Variants in FHIT observed in about 807,000 individuals in gnomAD.
FHIT encodes bis(5'-adenosyl)-triphosphatase.
A neutral mutation model predicts 17.9 loss-of-function variants in FHIT; 19 were observed. That is an observed-to-expected ratio of 1.06 (90% CI 0.74 to 1.56). The LOEUF is 1.56. Among genes scored for constraint, FHIT ranks in the 40% most tolerant of loss-of-function variants. The pLI is 0.00. For missense variants in FHIT, 248 were observed against 189.2 expected (o/e 1.31, Z -1.82); for synonymous variants, 81 against 69.7 (o/e 1.16, Z -0.81).
intron 5 of FHIT, among the ~76,000 whole-genome samples, chr3:60,404,422 G>A (rs1701773173): frequency 6.6e-6 from 1 of 152,072 alleles, no homozygotes; most frequent in Non-Finnish European, 1.5e-5. Flanking sequence ...AGTTGTCTCG[G>A]GATGTGACAG....
At chr3:60,504,652 T>G (rs1474671886) in intron 5 of FHIT, among the ~76,000 whole-genome samples, 1 of 152,068 alleles carries the variant, frequency 6.6e-6, no homozygotes, top group Non-Finnish European at 1.5e-5. Context: ...CAACCGCAGC[T>G]CCAAAGGAGA....
intron 2 of FHIT, among the ~76,000 whole-genome samples, chr3:61,172,020 G>A (rs909938674): frequency 7.9e-5 from 12 of 152,174 alleles, no homozygotes; most frequent in African/African-American, 2.9e-4. Context: ...CAAAGTTGCT[G>A]CATTTTTTGC....
chr3:60,243,933 T>C (rs946064459), intron 5 of FHIT, among the ~76,000 whole-genome samples: 2 of 152,082 alleles, frequency 1.3e-5, no homozygotes, highest in Non-Finnish European at 2.9e-5. Context: ...AAATAATTTA[T>C]TTCAGGAATC....
chr3:60,344,898 G>C (rs1304937678), intron 5 of FHIT, among the ~76,000 whole-genome samples: 1 of 151,948 alleles, frequency 6.6e-6, no homozygotes, highest in South Asian at 2.1e-4. Flanking sequence ...AAATTTCAAA[G>C]ACATAGAATG....
chr3:59,835,480 T>G (rs1008805802), intron 8 of FHIT, among the ~76,000 whole-genome samples: 1 of 152,174 alleles, frequency 6.6e-6, no homozygotes, highest in Non-Finnish European at 1.5e-5. Flanking sequence ...GCCTTTATGC[T>G]GAAGCTACAA....
At chr3:60,111,853 T>A (rs564918950) in intron 5 of FHIT, among the ~76,000 whole-genome samples, 3 of 152,274 alleles carry the variant, frequency 2.0e-5, no homozygotes, top group Non-Finnish European at 2.9e-5. Flanking sequence ...CATCTCCCCA[T>A]TGACATCTAA....
intron 1 of FHIT, among the ~76,000 whole-genome samples, chr3:61,205,371 G>A (rs994953908): frequency 6.6e-6 from 1 of 152,242 alleles, no homozygotes; most frequent in Non-Finnish European, 1.5e-5. Context: ...GGTATATCTA[G>A]TTCTAGATCC....
intron 8 of FHIT, among the ~76,000 whole-genome samples, chr3:59,808,969 C>G (rs771447787): frequency 3.9e-4 from 60 of 152,128 alleles, no homozygotes; most frequent in Admixed American, 1.3e-3. Flanking sequence ...AGGAAACCCA[C>G]GGTGACTGAA....
chr3:59,775,474 A>G (rs1433302542), intron 8 of FHIT, among the ~76,000 whole-genome samples: 11 of 152,108 alleles, frequency 7.2e-5, no homozygotes. Context: ...CAAACACACA[A>G]TCCATTCCCG....
At chr3:60,387,778 A>C (rs1701069258) in intron 5 of FHIT, among the ~76,000 whole-genome samples, 1 of 152,042 alleles carries the variant, frequency 6.6e-6, no homozygotes, top group Non-Finnish European at 1.5e-5. Flanking sequence ...TTTTGGCTAT[A>C]GTTTGCTTAT....
intron 4 of FHIT, among the ~76,000 whole-genome samples, chr3:60,616,578 C>A (rs182827410): frequency 9.4e-4 from 143 of 152,176 alleles, no homozygotes; most frequent in African/African-American, 3.2e-3. Flanking sequence ...AACACAATAC[C>A]ATTTACATTA....
At chr3:61,001,939 C>T (rs1372146272) in intron 3 of FHIT, among the ~76,000 whole-genome samples, 1 of 152,164 alleles carries the variant, frequency 6.6e-6, no homozygotes, top group South Asian at 2.1e-4. Flanking sequence ...AAAAAGGGTA[C>T]ACAGGCCCTC....
chr3:59,823,566 T>A (rs1030193339), intron 8 of FHIT, among the ~76,000 whole-genome samples: 2 of 151,824 alleles, frequency 1.3e-5, no homozygotes, highest in African/African-American at 4.9e-5. Context: ...ATAAATGTGA[T>A]ACACCACAAA....
intron 2 of FHIT, among the ~76,000 whole-genome samples, chr3:61,091,190 A>G (rs1055363613): frequency 6.6e-6 from 1 of 152,100 alleles, no homozygotes; most frequent in Non-Finnish European, 1.5e-5. Flanking sequence ...AAATGGTCCC[A>G]CTCTTGCGAT....
intron 4 of FHIT, among the ~76,000 whole-genome samples, chr3:60,798,766 T>C (rs1243248329): frequency 6.1e-5 from 9 of 148,616 alleles, no homozygotes; most frequent in Non-Finnish European, 1.2e-4. Context: ...TTTTTTTTTT[T>C]TTTTTTTTTG....
intron 4 of FHIT, among the ~76,000 whole-genome samples, chr3:60,718,720 T>G (rs187221812): frequency 6.6e-6 from 1 of 152,304 alleles, no homozygotes; most frequent in Non-Finnish European, 1.5e-5. Flanking sequence ...AATGGAATGT[T>G]AAGAGTTGGG....
At chr3:60,806,373 A>G (rs1198366854) in intron 4 of FHIT, among the ~76,000 whole-genome samples, 1 of 152,172 alleles carries the variant, frequency 6.6e-6, no homozygotes, top group African/African-American at 2.4e-5. Context: ...GGATCAATTT[A>G]TCTGAATCTT....
chr3:60,700,984 T>A (rs2041231838), intron 4 of FHIT, among the ~76,000 whole-genome samples: 1 of 152,210 alleles, frequency 6.6e-6, no homozygotes. Flanking sequence ...TGTACATTCA[T>A]ATATTTAATT....
intron 5 of FHIT, among the ~76,000 whole-genome samples, chr3:60,062,979 G>C (rs1315262281): frequency 6.6e-6 from 1 of 152,152 alleles, no homozygotes; most frequent in African/African-American, 2.4e-5. Flanking sequence ...TGAGGAGCAA[G>C]AAATGTTCCA....
Sources: allele counts gnomAD v4.1 joint callset (sites outside exome capture counted in the v4.1 genomes callset), GRCh38; gene constraint gnomAD v4.1.1; transcripts MANE v1.5; gene names NCBI Gene and HGNC (gene_info 2026-07-23, HGNC 2026-07-21).